The following MIPOL1 variants were observed in gnomAD, a reference collection of about 807,000 sequenced individuals.
MIPOL1 encodes mirror-image polydactyly gene 1 protein.
A neutral mutation model predicts 60.9 loss-of-function variants in MIPOL1; 57 were observed. That is an observed-to-expected ratio of 0.94 (90% confidence interval 0.76 to 1.17). The LOEUF (loss-of-function observed/expected upper bound fraction) is 1.17, where lower values mean the gene tolerates loss of function less well. Among genes scored for constraint, MIPOL1 ranks in the 50% most tolerant of loss-of-function variants. The pLI is 0.00. For missense variants in MIPOL1, 551 were observed against 511.6 expected (o/e 1.08, Z -0.74); for synonymous variants, 179 against 168.8 (o/e 1.06, Z -0.47).
At chr14:37,208,745 C>T (rs1168539859) in intron 1 of MIPOL1, among the ~76,000 whole-genome samples, 1 of 152,132 alleles carries the variant, frequency 6.6e-6, no homozygotes, top group Non-Finnish European at 1.5e-5. Context: ...AGGTGCATTC[C>T]ACCATGCCCG....
At chr14:37,241,483 C>G (rs937320075) in intron 1 of MIPOL1, among the ~76,000 whole-genome samples, 1 of 150,140 alleles carries the variant, frequency 6.7e-6, no homozygotes, top group Admixed American at 6.7e-5. Context: ...TTTGGGAGGC[C>G]GAGGTGGGAG....
At chr14:37,373,043 G>T (rs1184377472) in intron 10 of MIPOL1, among the ~76,000 whole-genome samples, 1 of 152,068 alleles carries the variant, frequency 6.6e-6, no homozygotes, top group Non-Finnish European at 1.5e-5. Context: ...TCACTCAGTC[G>T]CCCTGGCTGG....
intron 11 of MIPOL1, among the ~76,000 whole-genome samples, chr14:37,493,505 A>C (rs1194567136): frequency 6.6e-6 from 1 of 152,166 alleles, no homozygotes; most frequent in Non-Finnish European, 1.5e-5. Context: ...GGAGTAATAC[A>C]CATTAAGGAC....
chr14:37,212,323 C>T (rs536313755), intron 1 of MIPOL1: 1 of 152,264 alleles, frequency 6.6e-6, no homozygotes, highest in Admixed American at 6.5e-5. Flanking sequence ...TCTGGACCTG[C>T]TCTGGGCCAG....
chr14:37,256,769 G>A (rs1975003285), intron 3 of MIPOL1, among the ~76,000 whole-genome samples: 1 of 128,914 alleles, frequency 7.8e-6, no homozygotes. Context: ...GACTTCCTCT[G>A]CATTTTTAAT....
chr14:37,249,661 C>T (rs533189460), intron 3 of MIPOL1, among the ~76,000 whole-genome samples: 4 of 151,994 alleles, frequency 2.6e-5, no homozygotes, highest in Non-Finnish European at 5.9e-5. Context: ...TTATGTGACA[C>T]TTAATTTTGG....
At chr14:37,293,776 T>C (rs973521576) in intron 7 of MIPOL1, among the ~76,000 whole-genome samples, 1 of 152,146 alleles carries the variant, frequency 6.6e-6, no homozygotes, top group Non-Finnish European at 1.5e-5. Context: ...GTGCCCGCCA[T>C]TGCTCAGGCT....
rs2153410353 is a variant in MIPOL1, at chr14:37,285,320, C to G, written c.496C>G (p.Leu166Val). ...EAKIAEKTAA[L>V]VEEVYFAQKE... ...GTGCGCTTTATATATTTTGGTAGCT[C>G]TGGTTGAAGAAGTGTATTTTGCGCA... Residue 166 changes from leucine to valine, a missense_variant and splice_region_variant, in exon 7 of 13, where the codon CTG (leucine) becomes GTG (valine). Coordinates refer to ENST00000684589, the MANE Select transcript of MIPOL1 (RefSeq NM_001388067.1). 6.2e-7 allele frequency: 1 copy of G among 1,613,630 alleles called. No homozygotes were observed. Among genetic ancestry groups the G allele is most frequent in the East Asian group, 2.2e-5 (1 of 44,842 alleles).
At chr14:37,224,986 C>A (rs982179279) in intron 1 of MIPOL1, among the ~76,000 whole-genome samples, 2 of 152,172 alleles carry the variant, frequency 1.3e-5, no homozygotes, top group Non-Finnish European at 2.9e-5. Flanking sequence ...CCCATGCAAG[C>A]CCAAAATCCA....
intron 11 of MIPOL1, among the ~76,000 whole-genome samples, chr14:37,463,415 A>G (rs1031108454): frequency 6.6e-6 from 1 of 152,222 alleles, no homozygotes; most frequent in African/African-American, 2.4e-5. Context: ...ATAGACATAT[A>G]GATCAATGGA....
Position 37,550,729 on chromosome 14 carries a change from G to GT in MIPOL1, c.*3762dup, listed in dbSNP as rs2095559854. ...AAAAGATGTGGTTTGTTTTGGCACT[G>GT]TTTTAAAAACTCAAATATTTTAAAC... On this transcript the variant is annotated 3_prime_UTR_variant, in exon 13 of 13. Transcript: ENST00000684589. 1 of 152,418 alleles carries GT rather than the reference G, an allele frequency of 6.6e-6. No homozygotes were observed. The highest frequency in any genetic ancestry group is 1.9e-4 in the East Asian group (1 of 5,194). The allele number at this position is 152,418 out of a possible 1,614,324, so 9.4% of individuals were successfully genotyped here. A position where few individuals can be genotyped will look rare whatever the true frequency, so the allele number is the denominator to read the frequency against.
intron 9 of MIPOL1, among the ~76,000 whole-genome samples, chr14:37,331,975 T>C (rs1045971822): frequency 2.0e-5 from 3 of 151,962 alleles, no homozygotes; most frequent in Non-Finnish European, 4.4e-5. Flanking sequence ...ATGTCTCTAC[T>C]AAAAATACAA....
intron 9 of MIPOL1, among the ~76,000 whole-genome samples, chr14:37,355,103 TG>T (rs2153476886): frequency 6.7e-6 from 1 of 149,066 alleles, no homozygotes; most frequent in South Asian, 2.2e-4. Context: ...GCAGGCCTGG[TG>T]GTGACAAAAT....
intron 11 of MIPOL1, among the ~76,000 whole-genome samples, chr14:37,496,164 G>T (rs1054921196): frequency 2.0e-4 from 30 of 151,248 alleles, no homozygotes; most frequent in Non-Finnish European, 3.8e-4. Context: ...AATAATAAGA[G>T]CTATCTATGA....
intron 1 of MIPOL1, among the ~76,000 whole-genome samples, chr14:37,213,184 T>A (rs1966990096): frequency 6.6e-6 from 1 of 152,088 alleles, no homozygotes; most frequent in African/African-American, 2.4e-5. Flanking sequence ...ACATGTACAC[T>A]ATTCAGGAAG....
chr14:37,219,901 T>C (rs1292883345), intron 1 of MIPOL1, among the ~76,000 whole-genome samples: 1 of 149,804 alleles, frequency 6.7e-6, no homozygotes, highest in Admixed American at 6.6e-5. Context: ...AATGTACTTA[T>C]TTAGTTTGAG....
At chr14:37,269,383 T>G (rs1355817281) in intron 5 of MIPOL1, among the ~76,000 whole-genome samples, 1 of 152,064 alleles carries the variant, frequency 6.6e-6, no homozygotes, top group Non-Finnish European at 1.5e-5. Context: ...TTTCTGTGTC[T>G]TCTTTTTTTT....
intron 9 of MIPOL1, among the ~76,000 whole-genome samples, chr14:37,354,039 C>T (rs1265298650): frequency 2.7e-5 from 4 of 150,786 alleles, no homozygotes; most frequent in Non-Finnish European, 5.9e-5. Context: ...CTCTTGTGGG[C>T]ATTTAGTGCT....
intron 11 of MIPOL1, 50 bp downstream of exon 11, chr14:37,422,999 A>G: frequency 8.5e-7 from 1 of 1,171,342 alleles, no homozygotes; most frequent in Non-Finnish European, 1.2e-6. Context: ...AGTTTGGGAA[A>G]TGTTTCTACC....
Sources: allele counts gnomAD v4.1 joint callset (sites outside exome capture counted in the v4.1 genomes callset), GRCh38; gene constraint gnomAD v4.1.1; transcripts MANE v1.5; gene names NCBI Gene and HGNC (gene_info 2026-07-23, HGNC 2026-07-21).